The following CFAP47 variants were observed in gnomAD, a reference collection of about 807,000 sequenced individuals.
CFAP47 encodes the protein cilia and flagella associated protein 47.
A neutral mutation model predicts 148.1 loss-of-function variants in CFAP47; 29 were observed. The observed-to-expected ratio is 0.20, with a 90% CI of 0.15 to 0.27. The LOEUF (loss-of-function observed/expected upper bound fraction) is 0.27, where lower values mean the gene tolerates loss of function less well. CFAP47 is among the 10% of genes least tolerant of loss of function. The pLI, the probability that CFAP47 is intolerant of heterozygous loss-of-function variation, is 1.00. For missense variants in CFAP47, 1,872 were observed against 1,697.5 expected (o/e 1.10, Z -1.81); for synonymous variants, 664 against 577.3 (o/e 1.15, Z -2.15).
At chrX:36,275,573 A>G (rs1556002543) in intron 49 of CFAP47, among the ~76,000 whole-genome samples, 1 of 110,346 alleles carries the variant, frequency 9.1e-6, no homozygotes, top group African/African-American at 3.3e-5. Flanking sequence ...TCCTTTTACT[A>G]TGTTGCTGAA....
chrX:36,075,200 T>TA (rs1569250400), intron 29 of CFAP47, among the ~76,000 whole-genome samples: 22 of 106,983 alleles, frequency 2.1e-4, no homozygotes, highest in African/African-American at 6.2e-4. Flanking sequence ...ATATGTATTA[T>TA]TTTTATTTAT....
At chrX:36,028,086 C>T (rs2146716317) in intron 22 of CFAP47, among the ~76,000 whole-genome samples, 1 of 111,137 alleles carries the variant, frequency 9.0e-6, no homozygotes, top group East Asian at 2.8e-4. Flanking sequence ...TTAATATTTT[C>T]TCCCATTTTG....
At chrX:36,337,856 CTTTTTTTTTT>C (rs1196038760) in intron 57 of CFAP47, among the ~76,000 whole-genome samples, 8 of 58,342 alleles carry the variant, frequency 1.4e-4, no homozygotes, top group Non-Finnish European at 2.3e-4. Context: ...TTCCATAATC[CTTTTTTTTTT>C]TTTTTTTTTT....
At chrX:35,987,383 A>G (rs1221466164) in intron 15 of CFAP47, among the ~76,000 whole-genome samples, 1 of 111,332 alleles carries the variant, frequency 9.0e-6, no homozygotes, top group Non-Finnish European at 1.9e-5. Context: ...CCCAGTCTAA[A>G]CTTTCTGGAG....
intron 39 of CFAP47, among the ~76,000 whole-genome samples, chrX:36,166,615 A>C (rs778402499): frequency 2.7e-5 from 3 of 111,663 alleles, no homozygotes; most frequent in Non-Finnish European, 5.6e-5. Flanking sequence ...TTACTCTAAC[A>C]GGCAGTTTCT....
At chrX:36,383,212 T>C (rs1942094872) in intron 63 of CFAP47, among the ~76,000 whole-genome samples, 1 of 112,037 alleles carries the variant, frequency 8.9e-6, no homozygotes, top group Admixed American at 9.5e-5. Context: ...ATTGGGACTT[T>C]AAAACAATGT....
At chrX:36,145,084 T>C (rs868844864) in intron 35 of CFAP47, 135 bp from the exon 36 acceptor site, 2 of 322,606 alleles carry the variant, frequency 6.2e-6, no homozygotes, top group Admixed American at 5.6e-5. Context: ...TGCGTGTGTG[T>C]GTGTGTGTGT....
chrX:36,343,544 C>A (rs1941670543), intron 57 of CFAP47, among the ~76,000 whole-genome samples: 1 of 111,612 alleles, frequency 9.0e-6, no homozygotes, highest in Non-Finnish European at 1.9e-5. Flanking sequence ...GGATCTAGAA[C>A]CAGAAATACC....
chrX:36,224,495 C>T (rs1940248225), intron 45 of CFAP47, among the ~76,000 whole-genome samples: 1 of 111,725 alleles, frequency 9.0e-6, no homozygotes, highest in African/African-American at 3.3e-5. Context: ...TCCCTTTCCT[C>T]GTTGACCTGG....
rs756271757 is a variant in CFAP47, at chrX:36,065,600, C to A, written c.4218-43C>A. ...CTTAAATGCATGGCATTTACTGCAT[C>A]TGAAATTTTTATTGTATTGAAATGC... On this transcript the variant is annotated intron_variant, in intron 26 of 63. Coordinates refer to ENST00000378653, the MANE Select transcript of CFAP47 (RefSeq NM_001304548.2). The A allele has an allele frequency of 4.9e-6, 4 of 810,630 alleles. No homozygotes were observed. The East Asian group carries it at 1.3e-4, about 27-fold the overall frequency. The allele number at this position is 810,630 out of a possible 1,213,427, so 66.8% of individuals were successfully genotyped here. A position where few individuals can be genotyped will look rare whatever the true frequency, so the allele number is the denominator to read the frequency against.
intron 57 of CFAP47, among the ~76,000 whole-genome samples, chrX:36,322,380 T>C (rs1941485587): frequency 9.0e-6 from 1 of 111,178 alleles, no homozygotes; most frequent in Admixed American, 9.7e-5. Context: ...GCAATTACAT[T>C]TGGGGACAAC....
At chrX:36,126,765 C>G (rs1938846980) in intron 33 of CFAP47, among the ~76,000 whole-genome samples, 1 of 111,872 alleles carries the variant, frequency 8.9e-6, no homozygotes. Flanking sequence ...TCTGTTTTTT[C>G]CTGACTTTTT....
intron 54 of CFAP47, among the ~76,000 whole-genome samples, 183 bp from the exon 55 acceptor site, chrX:36,306,589 G>A (rs782652477): frequency 7.2e-5 from 8 of 110,865 alleles, no homozygotes; most frequent in African/African-American, 1.6e-4. Context: ...CCCCAAACAC[G>A]GTTTAACATG....
At chrX:36,080,500 A>G (rs1196697440) in intron 29 of CFAP47, among the ~76,000 whole-genome samples, 1 of 111,911 alleles carries the variant, frequency 8.9e-6, no homozygotes, top group African/African-American at 3.3e-5. Flanking sequence ...TTCCAGCACT[A>G]TTCACAATAG....
chrX:36,240,458 C>T (rs188936885), intron 48 of CFAP47, among the ~76,000 whole-genome samples: 1 of 111,239 alleles, frequency 9.0e-6, no homozygotes, highest in African/African-American at 3.3e-5. Context: ...ATGAAAAAGA[C>T]CAACATTCTG....
In CFAP47 at chrX:35,997,895, A is replaced by G. The variant is rs538074544; in HGVS notation, c.3177+506A>G. Among the ~76,000 whole-genome samples the G allele has an allele frequency of 9.0e-5, 10 of 111,713 alleles. No homozygotes were observed. The South Asian group carries it at 3.0e-3, about 33-fold the overall frequency. On this transcript the variant is annotated intron_variant, in intron 19 of 63. Transcript: ENST00000378653. ...TACTGCATAATAGTTATTTGTGTAGACATACTATAATTTACATGATCATTC... is the reference window on the plus strand; with the variant it reads ...TACTGCATAATAGTTATTTGTGTAGGCATACTATAATTTACATGATCATTC...
rs1556020419 is a variant in CFAP47 at position 36,367,023 on chromosome X, A to C, written c.9081A>C (p.Ile3027=). ...CVTEGIWKFP[I]MLIATEPDTD... ...CAGAAGGGATCTGGAAGTTTCCCATAATGTTGATCGCTACTGAACCTGATA... is the reference window on the plus strand; with the variant it reads ...CAGAAGGGATCTGGAAGTTTCCCATCATGTTGATCGCTACTGAACCTGATA... The change falls in exon 62 of 64, where the codon ATA becomes ATC. Residue 3027 remains isoleucine, a synonymous_variant. Transcript: ENST00000378653. 5.2e-6 allele frequency: 6 copies of C among 1,153,795 alleles called. No homozygotes were observed. In the Admixed American group the frequency reaches 1.6e-4, roughly 30 times the overall value.
intron 42 of CFAP47, among the ~76,000 whole-genome samples, chrX:36,195,902 A>G (rs782540575): frequency 4.4e-4 from 49 of 111,931 alleles, no homozygotes; most frequent in African/African-American, 1.4e-3. Context: ...TCTAAAGTCT[A>G]AGGACAGCTT....
chrX:36,045,894 G>A (rs1443755202), intron 25 of CFAP47, among the ~76,000 whole-genome samples: 1 of 111,680 alleles, frequency 9.0e-6, no homozygotes, highest in East Asian at 2.8e-4. Flanking sequence ...GAGAGGTACT[G>A]AAGAAATAAT....
Sources: gnomAD v4.1 joint callset for allele counts (sites outside exome capture counted in the v4.1 genomes callset) on GRCh38, gnomAD v4.1.1 for gene constraint, MANE v1.5 for transcripts, NCBI Gene and HGNC (gene_info 2026-07-23, HGNC 2026-07-21) for gene names.